Variants in CAMKMT observed in about 807,000 individuals in gnomAD.
The protein encoded by CAMKMT is CaM KMT.
A neutral mutation model predicts 48.0 loss-of-function variants in CAMKMT; 53 were observed. The observed-to-expected ratio is 1.10, with a 90% CI of 0.89 to 1.39. The LOEUF is 1.39. CAMKMT is among the 40% of genes most tolerant of loss of function. The pLI is 0.00. For missense variants in CAMKMT, 428 were observed against 402.7 expected, an observed-to-expected ratio of 1.06 and a Z score of -0.54; for synonymous variants, 165 against 152.3, an observed-to-expected ratio of 1.08 and a Z score of -0.61.
intron 3 of CAMKMT, among the ~76,000 whole-genome samples, chr2:44,617,048 G>A (rs1671931757): frequency 6.6e-6 from 1 of 152,200 alleles, no homozygotes. Flanking sequence ...CTACGTGATA[G>A]TGCCGTGAAT....
At chr2:44,526,898 C>A (rs961132309) in intron 3 of CAMKMT, among the ~76,000 whole-genome samples, 4 of 152,036 alleles carry the variant, frequency 2.6e-5, no homozygotes, top group African/African-American at 9.7e-5. Flanking sequence ...CATACACATA[C>A]CATACAATTA....
chr2:44,704,207 G>A (rs1573118090), intron 3 of CAMKMT, 76 bp from the exon 4 acceptor site: 1 of 1,167,560 alleles, frequency 8.6e-7, no homozygotes, highest in Non-Finnish European at 1.2e-6. Context: ...AGCTTGTACT[G>A]AACATTATTT....
intron 8 of CAMKMT, among the ~76,000 whole-genome samples, chr2:44,744,056 A>G (rs1049819141): frequency 3.3e-5 from 5 of 152,206 alleles, no homozygotes; most frequent in African/African-American, 4.8e-5. Flanking sequence ...AAACAGCTCA[A>G]TTAGCTTACT....
chr2:44,753,274 A>G (rs1680225508), intron 8 of CAMKMT, among the ~76,000 whole-genome samples: 1 of 145,984 alleles, frequency 6.9e-6, no homozygotes, highest in Non-Finnish European at 1.5e-5. Context: ...AAAAAAAAAA[A>G]GAACTAGCTG....
In CAMKMT at chr2:44,536,891, G is replaced by A. The variant is rs1572741627; in HGVS notation, c.376+146586G>A. ...TACAGCCAACTGATTTTTGACAAAGGCAACAAGAATATACATTAGTAGGAC... is the reference window on the plus strand; with the variant it reads ...TACAGCCAACTGATTTTTGACAAAGACAACAAGAATATACATTAGTAGGAC... On this transcript the variant is annotated intron_variant, in intron 3 of 10. Transcript: ENST00000378494. Among the ~76,000 whole-genome samples the A allele has an allele frequency of 2.6e-5, 4 of 151,950 alleles. No homozygotes were observed. In the South Asian group the frequency reaches 8.3e-4, roughly 32 times the overall value.
intron 3 of CAMKMT, among the ~76,000 whole-genome samples, chr2:44,460,847 C>T (rs573353202): frequency 1.7e-4 from 26 of 151,942 alleles, no homozygotes; most frequent in Non-Finnish European, 2.8e-4. Flanking sequence ...CTCAGCCTCC[C>T]GAGTAGCTGA....
intron 7 of CAMKMT, among the ~76,000 whole-genome samples, chr2:44,722,852 A>C (rs1165553583): frequency 6.6e-6 from 1 of 152,174 alleles, no homozygotes; most frequent in Non-Finnish European, 1.5e-5. Context: ...GGAAAATATA[A>C]TTAGTAAAAT....
chr2:44,614,508 C>G (rs1267971683), intron 3 of CAMKMT, among the ~76,000 whole-genome samples: 3 of 152,286 alleles, frequency 2.0e-5, no homozygotes, highest in East Asian at 1.9e-4. Flanking sequence ...ACCAAAATCT[C>G]TGCCTTCATG....
chr2:44,543,524 A>C (rs755201353), intron 3 of CAMKMT, among the ~76,000 whole-genome samples: 1 of 152,226 alleles, frequency 6.6e-6, no homozygotes, highest in South Asian at 2.1e-4. Context: ...GTGGTGCTGA[A>C]TGTAAACATC....
At chr2:44,557,263 T>G (rs753096963) in intron 3 of CAMKMT, among the ~76,000 whole-genome samples, 35 of 152,308 alleles carry the variant, frequency 2.3e-4, no homozygotes, top group Non-Finnish European at 4.4e-5. Flanking sequence ...AGATAAACCT[T>G]TGGTACATTT....
chr2:44,738,729 A>G (rs1012296976), intron 7 of CAMKMT, among the ~76,000 whole-genome samples: 3 of 152,202 alleles, frequency 2.0e-5, no homozygotes, highest in African/African-American at 7.2e-5. Flanking sequence ...GTTATATTGC[A>G]CATTAAAGGG....
In CAMKMT at chr2:44,567,592, A is replaced by G. The variant is rs1668683571; in HGVS notation, c.377-136691A>G. ...GTAGGGTCCCATTTGGAGGAAGCTCAGTTCAGGGCTCAGCTTGTTTTCTGG... is the reference window on the plus strand; with the variant it reads ...GTAGGGTCCCATTTGGAGGAAGCTCGGTTCAGGGCTCAGCTTGTTTTCTGG... On this transcript the variant is annotated intron_variant, in intron 3 of 10. Coordinates refer to ENST00000378494, the MANE Select transcript of CAMKMT (RefSeq NM_024766.5). Among the ~76,000 whole-genome samples, 5 of 152,314 alleles carry G rather than the reference A, an allele frequency of 3.3e-5. No homozygotes were observed. In the South Asian group the frequency reaches 1.0e-3, roughly 32 times the overall value.
intron 3 of CAMKMT, among the ~76,000 whole-genome samples, chr2:44,450,940 T>A (rs1195441431): frequency 8.5e-5 from 13 of 152,160 alleles, no homozygotes; most frequent in Admixed American, 8.5e-4. Context: ...CAACTCTCTG[T>A]GCTCTCTGAC....
At chr2:44,426,657 C>T (rs1263013319) in intron 3 of CAMKMT, among the ~76,000 whole-genome samples, 1 of 152,126 alleles carries the variant, frequency 6.6e-6, no homozygotes, top group Non-Finnish European at 1.5e-5. Flanking sequence ...TAAAACACTG[C>T]TGAAAGAAAT....
intron 3 of CAMKMT, among the ~76,000 whole-genome samples, chr2:44,524,663 A>C (rs1305429774): frequency 3.3e-5 from 5 of 152,026 alleles, no homozygotes; most frequent in Non-Finnish European, 5.9e-5. Context: ...GCCTTACTTC[A>C]TGCTCCAGAA....
chr2:44,599,221 C>T (rs1670841074), intron 3 of CAMKMT, among the ~76,000 whole-genome samples: 2 of 152,108 alleles, frequency 1.3e-5, no homozygotes, highest in African/African-American at 2.4e-5. Flanking sequence ...TTTTCCATTT[C>T]TCAAATACTG....
chr2:44,739,208 T>G (rs1253269860), intron 7 of CAMKMT, among the ~76,000 whole-genome samples: 1 of 152,216 alleles, frequency 6.6e-6, no homozygotes, highest in Non-Finnish European at 1.5e-5. Context: ...GATTGTTGGA[T>G]GACAGATGGA....
intron 3 of CAMKMT, among the ~76,000 whole-genome samples, chr2:44,695,974 A>C (rs182279159): frequency 6.6e-6 from 1 of 151,946 alleles, no homozygotes; most frequent in East Asian, 1.9e-4. Context: ...ACAGGGTCTC[A>C]CTCTGTCACC....
chr2:44,600,273 T>G (rs1670907277), intron 3 of CAMKMT, among the ~76,000 whole-genome samples: 1 of 151,660 alleles, frequency 6.6e-6, no homozygotes, highest in African/African-American at 2.4e-5. Context: ...TTTTTTTTTA[T>G]TTTTGATTTT....
Sources: allele counts gnomAD v4.1 joint callset (sites outside exome capture counted in the v4.1 genomes callset), GRCh38; gene constraint gnomAD v4.1.1; transcripts MANE v1.5; gene names NCBI Gene and HGNC (gene_info 2026-07-23, HGNC 2026-07-21).